OLFM2: variants seen among roughly 807,000 people sequenced by gnomAD.
OLFM2 encodes noelin-2.
Under a neutral mutation model 43.9 loss-of-function variants are expected in OLFM2, and 20 were observed. The ratio of observed to expected loss-of-function variants is 0.46; its 90% confidence interval spans 0.32 to 0.66. The LOEUF (loss-of-function observed/expected upper bound fraction) is 0.66. Ranked by LOEUF, OLFM2 falls within the 30% of genes least tolerant of loss-of-function variation. The probability of loss-of-function intolerance (pLI) is 0.04; values close to 1 mark genes in which losing one functional copy is unlikely to be tolerated. For synonymous variants in OLFM2, 268 were observed against 278.6 expected, an observed-to-expected ratio of 0.96 and a Z score of 0.38; for missense variants, 416 against 643.6, an observed-to-expected ratio of 0.65 and a Z score of 3.83.
At position 9,853,942 on chromosome 19, in the gene OLFM2, A is replaced by G; in HGVS notation, c.*244T>C. On this transcript the variant is annotated 3_prime_UTR_variant, in exon 6 of 6. Transcript: ENST00000264833. ...GAGAACCAGAGCCATAAAAAGAAAAAGACATCCATAAAAAGGCAGAAAGAA... is the reference window on the plus strand; with the variant it reads ...GAGAACCAGAGCCATAAAAAGAAAAGGACATCCATAAAAAGGCAGAAAGAA... 1.7e-6 allele frequency: 1 copy of G among 579,266 alleles called. No homozygotes were observed. The highest frequency in any genetic ancestry group is 2.2e-5 in the South Asian group (1 of 44,652). The allele number at this position is 579,266 out of a possible 1,614,324, so 35.9% of individuals were successfully genotyped here. A position where few individuals can be genotyped will look rare whatever the true frequency, so the allele number is the denominator to read the frequency against.
intron 1 of OLFM2, among the ~76,000 whole-genome samples, chr19:9,861,131 C>T (rs908556375): frequency 6.6e-6 from 1 of 152,064 alleles, no homozygotes; most frequent in Non-Finnish European, 1.5e-5. Context: ...AACCCCCAAA[C>T]CTGGACCTCC....
rs1049626015 is a variant in OLFM2, at chr19:9,897,964, G to A, written c.64-37170C>T. On this transcript the variant is annotated intron_variant, in intron 1 of 5. Coordinates refer to ENST00000264833, the MANE Select transcript of OLFM2 (RefSeq NM_058164.4). The stretch of plus-strand genomic sequence containing the variant: ...GTCACCCAGGCTGGAGCACAGTGGC[G>A]TGATCATAGCTCACTGCAACCTCGA... Among the ~76,000 whole-genome samples the A allele has an allele frequency of 1.6e-4, 24 of 151,776 alleles. 1 individual carries two copies. The highest frequency in any genetic ancestry group is 2.6e-4 in the Non-Finnish European group (18 of 67,978).
At chr19:9,890,049 C>T (rs999895974) in intron 1 of OLFM2, among the ~76,000 whole-genome samples, 3 of 151,888 alleles carry the variant, frequency 2.0e-5, no homozygotes, top group East Asian at 1.9e-4. Context: ...TCCCCAGTGG[C>T]GCTGGGAGCT....
intron 1 of OLFM2, among the ~76,000 whole-genome samples, chr19:9,917,304 G>A (rs2086390244): frequency 6.6e-6 from 1 of 152,116 alleles, no homozygotes; most frequent in Non-Finnish European, 1.5e-5. Flanking sequence ...CTCCCAAGTA[G>A]CTGGGACTAC....
intron 1 of OLFM2, among the ~76,000 whole-genome samples, chr19:9,865,262 TTAAA>T (rs138442843): frequency 1.8e-3 from 270 of 151,530 alleles, no homozygotes; most frequent in African/African-American, 6.2e-3. Flanking sequence ...CCTCCTGGGC[TTAAA>T]TAGTGATTCC....
At position 9,908,540 on chromosome 19, in the gene OLFM2, G is replaced by A. The variant is rs997287298; in HGVS notation, c.63+27764C>T. Among the ~76,000 whole-genome samples the A allele has an allele frequency of 4.6e-5, 6 of 129,674 alleles. No individual in the cohort carries two copies. The Admixed American group carries it at 4.8e-4, about 10-fold the overall frequency. 85.1% of individuals were successfully genotyped at this position (129,674 alleles called of 152,430 possible). On this transcript the variant is annotated intron_variant, in intron 1 of 5. Coordinates refer to ENST00000264833, the MANE Select transcript of OLFM2 (RefSeq NM_058164.4). ...TCACCCAGGCTGGAAGTGCAGTGAT[G>A]CAATCTCGGCTCACTGCGAGCTCCA...
intron 1 of OLFM2, 143 bp downstream of exon 1, chr19:9,936,161 T>G: frequency 8.0e-6 from 5 of 626,152 alleles, no homozygotes; most frequent in African/African-American, 2.5e-5. Context: ...TCCCGGCCCC[T>G]CCCCCGCTGC....
At chr19:9,874,437 C>T (rs1307051175) in intron 1 of OLFM2, among the ~76,000 whole-genome samples, 2 of 148,946 alleles carry the variant, frequency 1.3e-5, no homozygotes, top group Admixed American at 1.4e-4. Context: ...AAAGTGGTGG[C>T]ATTACAGACA....
At position 9,854,357 on chromosome 19, in the gene OLFM2, G is replaced by A; in HGVS notation, c.1194C>T (p.Thr398=). Residue 398 remains threonine (T), a synonymous_variant, in exon 6 of 6, where the codon ACC becomes ACT. Transcript: ENST00000264833. This position sits in a 1 kb window ranked among gnomAD's most constrained non-coding sequence, Gnocchi z 9.5. ...CCGTGTACTCGTAACTGGACGTGTT[G>A]GTAAAATAGGCGAAGTAGACCTTGG... ...AGAKVYFAYF[T]NTSSYEYTDV... 1 of 1,614,210 alleles carries A rather than the reference G, an allele frequency of 6.2e-7. No homozygotes were observed. Among genetic ancestry groups the A allele is most frequent in the Non-Finnish European group, 8.5e-7 (1 of 1,180,036 alleles).
At chr19:9,900,988 A>AAGGAAGGAAGGAAGGG (rs1401980050) in intron 1 of OLFM2, among the ~76,000 whole-genome samples, 4 of 28,402 alleles carry the variant, frequency 1.4e-4, no homozygotes, top group East Asian at 1.4e-3. Flanking sequence ...GGAAGGAAGG[A>AAGGAAGGAAGGAAGGG]AGGGAGGGAG....
At chr19:9,901,302 T>G (rs1048078580) in intron 1 of OLFM2, among the ~76,000 whole-genome samples, 2 of 151,594 alleles carry the variant, frequency 1.3e-5, no homozygotes, top group African/African-American at 2.4e-5. Flanking sequence ...GGCCTGTGCC[T>G]GTAATTCCAA....
intron 1 of OLFM2, among the ~76,000 whole-genome samples, chr19:9,886,774 T>G (rs905172084): frequency 3.9e-5 from 6 of 152,084 alleles, no homozygotes; most frequent in Admixed American, 3.3e-4. Flanking sequence ...AACCTCTGCC[T>G]CCTGGGTCCA....
At chr19:9,922,570 A>C (rs10422808) in intron 1 of OLFM2, among the ~76,000 whole-genome samples, 15,124 of 152,076 alleles carry the variant, frequency 0.099, 2,394 homozygotes, top group African/African-American at 0.34. Flanking sequence ...AACAAAAATA[A>C]ATTTATAAAT....
intron 1 of OLFM2, among the ~76,000 whole-genome samples, chr19:9,931,721 A>T (rs1216219840): frequency 2.0e-5 from 3 of 151,694 alleles, no homozygotes; most frequent in Non-Finnish European, 2.9e-5. Context: ...AAATAAAAAA[A>T]AAAAAAGAAA....
At chr19:9,858,362 T>C (rs1168421258) in intron 2 of OLFM2, among the ~76,000 whole-genome samples, 1 of 151,970 alleles carries the variant, frequency 6.6e-6, no homozygotes, top group Non-Finnish European at 1.5e-5. Context: ...GCTGGCTCCT[T>C]CTCATCCTTC....
chr19:9,864,963 C>T (rs1361838180), intron 1 of OLFM2, among the ~76,000 whole-genome samples: 2 of 151,640 alleles, frequency 1.3e-5, no homozygotes, highest in Admixed American at 6.6e-5. Context: ...GGGTTTCCTT[C>T]ACCTCCTCTC....
chr19:9,872,958 G>A (rs184749027), intron 1 of OLFM2, among the ~76,000 whole-genome samples: 27 of 152,148 alleles, frequency 1.8e-4, no homozygotes, highest in Non-Finnish European at 2.5e-4. Flanking sequence ...TGTAGAGCTC[G>A]CTCTTCTTAG....
chr19:9,885,785 C>T (rs2046581228), intron 1 of OLFM2, among the ~76,000 whole-genome samples: 1 of 152,088 alleles, frequency 6.6e-6, no homozygotes, highest in South Asian at 2.1e-4. Context: ...CTCCCCTCAC[C>T]CCTGCCCTGA....
At chr19:9,860,083 G>A (rs554474342) in intron 2 of OLFM2, among the ~76,000 whole-genome samples, 12 of 151,848 alleles carry the variant, frequency 7.9e-5, no homozygotes, top group South Asian at 2.1e-4. Context: ...TGGAGGTTGC[G>A]GTGAGCTGAG....
Sources: gnomAD v4.1 joint callset for allele counts (sites outside exome capture counted in the v4.1 genomes callset) on GRCh38, gnomAD v4.1.1 for gene constraint, Gnocchi (gnomAD v3.1) non-coding constraint, MANE v1.5 for transcripts, NCBI Gene and HGNC (gene_info 2026-07-23, HGNC 2026-07-21) for gene names.